The following POU6F2 variants were observed in gnomAD, a reference collection of about 807,000 sequenced individuals.
The protein encoded by POU6F2 is POU domain, class 6, transcription factor 2.
A neutral mutation model predicts 71.3 loss-of-function variants in POU6F2; 31 were observed. The ratio of observed to expected loss-of-function variants is 0.43; its 90% CI spans 0.33 to 0.59. POU6F2 has a LOEUF of 0.59. Among genes scored for constraint, POU6F2 ranks in the 20% least tolerant of loss-of-function variants. POU6F2 has a pLI of 0.04. For missense variants in POU6F2, 783 were observed against 856.8 expected, an observed-to-expected ratio of 0.91 and a Z score of 1.07; for synonymous variants, 347 against 355.7, an observed-to-expected ratio of 0.98 and a Z score of 0.27.
chr7:39,274,123 G>A (rs1001375307), intron 4 of POU6F2, among the ~76,000 whole-genome samples: 32 of 151,686 alleles, frequency 2.1e-4, no homozygotes, highest in Middle Eastern at 3.2e-3. Flanking sequence ...TGAACCAGTC[G>A]TATAAAAAAT....
rs1293303128 is a variant in POU6F2 at position 39,465,516 on chromosome 7, C to G, written c.*830C>G. The G allele has an allele frequency of 6.6e-6, 1 of 152,152 alleles. No individual in the cohort carries two copies. The highest frequency in any genetic ancestry group is 2.4e-5 in the African/African-American group (1 of 41,426). 9.4% of individuals were successfully genotyped at this position (152,152 alleles called of 1,614,324 possible). The stretch of plus-strand genomic sequence containing the variant: ...ATTTGTTGCTTTTTTCTCACTATGA[C>G]TTGTGGGTTTGAGAAAAGAAAATGG... On this transcript the variant is annotated 3_prime_UTR_variant, in exon 10 of 10. Coordinates refer to ENST00000518318, the MANE Select transcript of POU6F2 (RefSeq NM_001370959.1).
At chr7:39,206,720 A>G (rs902280107) in intron 3 of POU6F2, among the ~76,000 whole-genome samples, 2 of 152,160 alleles carry the variant, frequency 1.3e-5, no homozygotes, top group Admixed American at 1.3e-4. Context: ...GCTATTTTCA[A>G]TATTTATGTA....
At chr7:39,132,227 TACAGCAATAGAAGAGCATC>T (rs913024050) in intron 2 of POU6F2, among the ~76,000 whole-genome samples, 1 of 152,226 alleles carries the variant, frequency 6.6e-6, no homozygotes, top group Admixed American at 6.5e-5. Context: ...ACTGTAAGAC[TACAGCAATAGAAGAGCATC>T]ACAGTTTAAC....
At chr7:39,419,123 G>T (rs1450567448) in intron 6 of POU6F2, among the ~76,000 whole-genome samples, 1 of 128,298 alleles carries the variant, frequency 7.8e-6, no homozygotes, top group Non-Finnish European at 1.6e-5. Flanking sequence ...GTATATATGT[G>T]TATATATACA....
chr7:39,004,667 C>G (rs1032194416), intron 1 of POU6F2, among the ~76,000 whole-genome samples: 1 of 152,114 alleles, frequency 6.6e-6, no homozygotes, highest in Admixed American at 6.5e-5. Flanking sequence ...AAAGTTGGTA[C>G]TTTATATATG....
chr7:39,129,181 A>G (rs1792204076), intron 2 of POU6F2, among the ~76,000 whole-genome samples: 2 of 152,102 alleles, frequency 1.3e-5, no homozygotes, highest in Admixed American at 6.5e-5. Context: ...TCTGGCCATC[A>G]TTTCTCTGCT....
intron 1 of POU6F2, among the ~76,000 whole-genome samples, chr7:39,033,080 T>C (rs1480695894): frequency 2.0e-5 from 3 of 152,146 alleles, no homozygotes; most frequent in Admixed American, 2.0e-4. Flanking sequence ...AAAAAGAAAC[T>C]TTCCTTCAAG....
chr7:39,100,901 C>T (rs921945437), intron 2 of POU6F2, among the ~76,000 whole-genome samples: 2 of 152,102 alleles, frequency 1.3e-5, no homozygotes, highest in Non-Finnish European at 2.9e-5. Flanking sequence ...CAAGGTTGGG[C>T]TACCTCGTAC....
Position 39,433,371 on chromosome 7 carries a change from T to G in POU6F2, c.1320+88T>G, listed in dbSNP as rs1241762717. 3.5e-6 allele frequency: 5 copies of G among 1,424,306 alleles called. No individual in the cohort carries two copies. In the African/African-American group the frequency reaches 5.7e-5, roughly 16 times the overall value. The allele number at this position is 1,424,306 out of a possible 1,614,324, so 88.2% of individuals were successfully genotyped here. ...TTGGTCTCAATCAATGAAAAGTAAC[T>G]TTTACATTACAAAATAGTTGATCTC... On this transcript the variant is annotated intron_variant, in intron 7 of 9. Coordinates refer to ENST00000518318, the MANE Select transcript of POU6F2 (RefSeq NM_001370959.1).
intron 4 of POU6F2, among the ~76,000 whole-genome samples, chr7:39,214,764 A>G (rs1794208030): frequency 6.6e-6 from 1 of 152,196 alleles, no homozygotes; most frequent in Non-Finnish European, 1.5e-5. Flanking sequence ...AGAAGAAGGC[A>G]TGAGGAGACT....
chr7:39,257,235 C>T (rs986499787), intron 4 of POU6F2, among the ~76,000 whole-genome samples: 2 of 152,158 alleles, frequency 1.3e-5, no homozygotes, highest in African/African-American at 4.8e-5. Context: ...TTTCTAGGAT[C>T]CTGACTAATA....
At chr7:38,995,636 C>T (rs772911030) in intron 1 of POU6F2, among the ~76,000 whole-genome samples, 6 of 152,134 alleles carry the variant, frequency 3.9e-5, no homozygotes, top group African/African-American at 7.2e-5. Context: ...CATATTTTCC[C>T]ACAGTCTCTA....
chr7:39,035,009 T>A (rs1790026746), intron 1 of POU6F2, among the ~76,000 whole-genome samples: 1 of 151,878 alleles, frequency 6.6e-6, no homozygotes, highest in Non-Finnish European at 1.5e-5. Context: ...TCTTTCTGAT[T>A]GGAAGGTAGA....
chr7:39,455,798 C>T (rs937099448), intron 8 of POU6F2, among the ~76,000 whole-genome samples: 2 of 152,164 alleles, frequency 1.3e-5, no homozygotes, highest in African/African-American at 2.4e-5. Flanking sequence ...TCAGTATGTG[C>T]CCAGTGACCA....
intron 2 of POU6F2, among the ~76,000 whole-genome samples, chr7:39,125,164 C>A (rs1048077922): frequency 6.6e-6 from 1 of 151,984 alleles, no homozygotes; most frequent in African/African-American, 2.4e-5. Flanking sequence ...TGAAACAATA[C>A]GACACTGTTT....
chr7:39,152,754 T>C (rs1792788619), intron 2 of POU6F2, among the ~76,000 whole-genome samples: 1 of 152,218 alleles, frequency 6.6e-6, no homozygotes. Context: ...TTTTCAGCTA[T>C]TTGCTGCAAC....
intron 8 of POU6F2, among the ~76,000 whole-genome samples, chr7:39,454,972 G>C (rs17171581): frequency 0.025 from 3,801 of 151,552 alleles, 153 homozygotes; most frequent in African/African-American, 0.088. Context: ...AGCACGTCTG[G>C]GCTCAGAATT....
chr7:39,182,362 T>C (rs1793451021), intron 2 of POU6F2, among the ~76,000 whole-genome samples: 1 of 152,236 alleles, frequency 6.6e-6, no homozygotes, highest in Non-Finnish European at 1.5e-5. Context: ...TAACCTGTTT[T>C]GCCTGTTTAA....
chr7:39,432,917 C>T (rs971937871), intron 6 of POU6F2, among the ~76,000 whole-genome samples, 160 bp from the exon 7 acceptor site: 1 of 152,038 alleles, frequency 6.6e-6, no homozygotes, highest in African/African-American at 2.4e-5. Flanking sequence ...AGATGCCTGC[C>T]CCTGCCACCT....
Sources: gnomAD v4.1 joint callset for allele counts (sites outside exome capture counted in the v4.1 genomes callset) on GRCh38, gnomAD v4.1.1 for gene constraint, MANE v1.5 for transcripts, NCBI Gene and HGNC (gene_info 2026-07-23, HGNC 2026-07-21) for gene names.